LEKR1: variants seen among roughly 807,000 people sequenced by gnomAD.
LEKR1 encodes the protein leucine, glutamate and lysine rich 1, also known as protein LEKR1.
In LEKR1, 59 loss-of-function variants were observed where a neutral mutation model predicts 72.4. The ratio of observed to expected loss-of-function variants is 0.82; its 90% confidence interval spans 0.66 to 1.01. The LOEUF (loss-of-function observed/expected upper bound fraction) is 1.01, where lower values mean the gene tolerates loss of function less well. Among genes scored for constraint, LEKR1 ranks in the 50% least tolerant of loss-of-function variants. The pLI, the probability that LEKR1 is intolerant of heterozygous loss-of-function variation, is 0.00. For synonymous variants in LEKR1, 257 were observed against 263.2 expected, an observed-to-expected ratio of 0.98 and a Z score of 0.23; for missense variants, 728 against 759.2, an observed-to-expected ratio of 0.96 and a Z score of 0.48.
intron 3 of LEKR1, among the ~76,000 whole-genome samples, chr3:156,898,822 CAAAA>C (rs1721475054): frequency 6.6e-6 from 1 of 151,960 alleles, no homozygotes; most frequent in Non-Finnish European, 1.5e-5. Flanking sequence ...ACTGCTAAAA[CAAAA>C]CAAACAAACA....
chr3:156,877,428 G>A (rs1352792761), intron 3 of LEKR1, among the ~76,000 whole-genome samples: 2 of 152,110 alleles, frequency 1.3e-5, no homozygotes, highest in Non-Finnish European at 1.5e-5. Context: ...GAATTCAGCT[G>A]TGAACCCATA....
At chr3:156,898,839 C>CA (rs1191106486) in intron 3 of LEKR1, among the ~76,000 whole-genome samples, 1 of 151,852 alleles carries the variant, frequency 6.6e-6, no homozygotes, top group East Asian at 1.9e-4. Context: ...AACAAACAAA[C>CA]AAAAAAATGG....
At chr3:156,848,549 C>T (rs1300550094) in intron 2 of LEKR1, among the ~76,000 whole-genome samples, 2 of 152,048 alleles carry the variant, frequency 1.3e-5, no homozygotes, top group Non-Finnish European at 2.9e-5. Context: ...TTTATGAAAA[C>T]ATTTGACAAA....
At chr3:156,928,940 A>G (rs1040341150) in intron 5 of LEKR1, among the ~76,000 whole-genome samples, 1 of 152,126 alleles carries the variant, frequency 6.6e-6, no homozygotes, top group African/African-American at 2.4e-5. Context: ...TGTTCAGTAT[A>G]CAATCCAAAA....
intron 3 of LEKR1, among the ~76,000 whole-genome samples, chr3:156,887,174 G>A (rs1720191398): frequency 6.6e-6 from 1 of 151,968 alleles, no homozygotes; most frequent in Non-Finnish European, 1.5e-5. Context: ...CGGGTGTCAC[G>A]TTTTCTTGCT....
At chr3:156,837,470 G>A (rs987184029) in intron 2 of LEKR1, among the ~76,000 whole-genome samples, 6 of 152,168 alleles carry the variant, frequency 3.9e-5, no homozygotes, top group Admixed American at 2.6e-4. Flanking sequence ...AAAACAAGAT[G>A]AGAAGGAAAT....
Position 156,928,982 on chromosome 3 carries a change from G to T in LEKR1, c.559+1378G>T, listed in dbSNP as rs185351717. On this transcript the variant is annotated intron_variant, in intron 5 of 12. Coordinates refer to ENST00000356539, the MANE Select transcript of LEKR1 (RefSeq NM_001004316.3). The stretch of plus-strand genomic sequence containing the variant: ...ATATCCAAAAGAATAGAGACCAGTT[G>T]ACTCAGATGATATAATTAGCTAACC... Among the ~76,000 whole-genome samples, 462 of 152,082 alleles carry T rather than the reference G, an allele frequency of 3.0e-3. 2 individuals are homozygous for T. Among genetic ancestry groups the T allele is most frequent in the Admixed American group, 7.0e-3 (107 of 15,242 alleles).
At chr3:156,931,263 C>A (rs371062346) in intron 5 of LEKR1, among the ~76,000 whole-genome samples, 6 of 152,034 alleles carry the variant, frequency 3.9e-5, no homozygotes, top group African/African-American at 7.2e-5. Context: ...CAGGAAGATA[C>A]ATAAATGGCC....
At chr3:157,015,695 A>G (rs1047638915) in intron 10 of LEKR1, among the ~76,000 whole-genome samples, 59 of 152,224 alleles carry the variant, frequency 3.9e-4, no homozygotes, top group Non-Finnish European at 8.8e-5. Context: ...CCTTGGAAAT[A>G]TACAAGAAAA....
chr3:156,846,115 G>A lies in LEKR1; in HGVS notation c.49-6653G>A, dbSNP rs150470287. On this transcript the variant is annotated intron_variant, in intron 2 of 12. Coordinates refer to ENST00000356539, the MANE Select transcript of LEKR1 (RefSeq NM_001004316.3). The stretch of plus-strand genomic sequence containing the variant: ...TGTATGTATTGTATTTTCAATTTCA[G>A]TGTTCAGGTGCTCACTGGGTATATA... Among the ~76,000 whole-genome samples the A allele has an allele frequency of 3.9e-5, 6 of 152,106 alleles. No individual in the cohort carries two copies. The East Asian group carries it at 1.2e-3, about 29-fold the overall frequency.
At chr3:156,945,407 A>G (rs766661889) in intron 6 of LEKR1, among the ~76,000 whole-genome samples, 21 of 151,734 alleles carry the variant, frequency 1.4e-4, no homozygotes, top group Non-Finnish European at 2.8e-4. Flanking sequence ...TTTGCTGTGC[A>G]GGAGGTTTTT....
At chr3:156,842,977 G>A (rs991119011) in intron 2 of LEKR1, among the ~76,000 whole-genome samples, 2 of 152,112 alleles carry the variant, frequency 1.3e-5, no homozygotes, top group African/African-American at 4.8e-5. Context: ...GCACTCTACA[G>A]GTTAATTCTG....
chr3:156,916,016 G>A (rs1209059923), intron 3 of LEKR1, among the ~76,000 whole-genome samples: 1 of 152,112 alleles, frequency 6.6e-6, no homozygotes, highest in African/African-American at 2.4e-5. Flanking sequence ...ATTGAATAGG[G>A]AGTCTTTTCC....
At chr3:156,832,929 A>T (rs570688898) in intron 2 of LEKR1, among the ~76,000 whole-genome samples, 77 of 152,344 alleles carry the variant, frequency 5.1e-4, no homozygotes, top group Non-Finnish European at 9.7e-4. Flanking sequence ...AACAAAAAAC[A>T]TTCTTATTGA....
chr3:157,009,180 T>C (rs888814382), intron 9 of LEKR1, among the ~76,000 whole-genome samples: 1 of 152,172 alleles, frequency 6.6e-6, no homozygotes, highest in Non-Finnish European at 1.5e-5. Flanking sequence ...AAATGCTTAG[T>C]TGCCACATTA....
chr3:157,046,079 C>A lies in LEKR1; in HGVS notation c.*329C>A, dbSNP rs548464381. On this transcript the variant is annotated 3_prime_UTR_variant, in exon 13 of 13. Transcript: ENST00000356539. ...CCCATAACATCTTTTCAATTTCTTG[C>A]GCCACTACAAGCAGATATATTTCCA... is the stretch of plus-strand genomic sequence containing the variant. 8.9e-6 allele frequency: 2 copies of A among 223,722 alleles called. No homozygotes were observed. Among genetic ancestry groups the A allele is most frequent in the Admixed American group, 5.1e-5 (1 of 19,724 alleles). The allele number at this position is 223,722 out of a possible 1,614,324, so 13.9% of individuals were successfully genotyped here.
chr3:156,933,523 TG>T (rs1725434388), intron 5 of LEKR1, among the ~76,000 whole-genome samples: 1 of 152,198 alleles, frequency 6.6e-6, no homozygotes, highest in Non-Finnish European at 1.5e-5. Flanking sequence ...ATAAAAGATA[TG>T]AATGTACATG....
At chr3:156,917,321 G>A (rs1218681600) in intron 3 of LEKR1, among the ~76,000 whole-genome samples, 2 of 152,206 alleles carry the variant, frequency 1.3e-5, no homozygotes, top group East Asian at 1.9e-4. Context: ...TGACAGGAAA[G>A]CATCATTCTC....
chr3:156,917,396 G>T (rs774101285), intron 3 of LEKR1, among the ~76,000 whole-genome samples: 3 of 152,050 alleles, frequency 2.0e-5, no homozygotes, highest in Non-Finnish European at 4.4e-5. Context: ...CAAGTGCCCA[G>T]CACAGAGAAT....
Sources: gnomAD v4.1 joint callset for allele counts (sites outside exome capture counted in the v4.1 genomes callset) on GRCh38, gnomAD v4.1.1 for gene constraint, MANE v1.5 for transcripts, NCBI Gene and HGNC (gene_info 2026-07-23, HGNC 2026-07-21) for gene names.